Variants in RNFT2 observed in about 807,000 individuals in gnomAD.
RNFT2 encodes the protein E3 ubiquitin-protein ligase RNFT2.
Under a neutral mutation model 53.0 loss-of-function variants are expected in RNFT2, and 36 were observed. That is an observed-to-expected ratio of 0.68 (90% CI 0.52 to 0.90). The LOEUF (loss-of-function observed/expected upper bound fraction) is 0.90. Among genes scored for constraint, RNFT2 ranks in the 40% least tolerant of loss-of-function variants. RNFT2 has a pLI of 0.00. For synonymous variants in RNFT2, 260 were observed against 253.2 expected (o/e 1.03, Z -0.26); for missense variants, 514 against 585.6 (o/e 0.88, Z 1.26).
chr12:116,794,855 T>G (rs1259586689), intron 7 of RNFT2, among the ~76,000 whole-genome samples: 1 of 152,060 alleles, frequency 6.6e-6, no homozygotes, highest in Non-Finnish European at 1.5e-5. Flanking sequence ...ATTTCACTGA[T>G]GTTATTCAGG....
At chr12:116,833,217 C>G (rs1318489847) in intron 7 of RNFT2, among the ~76,000 whole-genome samples, 2 of 152,180 alleles carry the variant, frequency 1.3e-5, no homozygotes, top group African/African-American at 2.4e-5. Context: ...CCACACCCGG[C>G]CCCTGTTCTT....
intron 5 of RNFT2, chr12:116,755,841 G>A (rs554006499): frequency 6.7e-5 from 105 of 1,569,828 alleles, no homozygotes; most frequent in Non-Finnish European, 8.2e-5. Flanking sequence ...AACATATATC[G>A]GGTGCCTCTC....
intron 7 of RNFT2, among the ~76,000 whole-genome samples, chr12:116,803,722 C>T (rs1297962107): frequency 3.3e-5 from 5 of 152,192 alleles, no homozygotes; most frequent in African/African-American, 4.8e-5. Flanking sequence ...AGGATGTTCT[C>T]ATAGGACAAT....
intron 10 of RNFT2, among the ~76,000 whole-genome samples, chr12:116,837,795 A>G (rs1379053597): frequency 2.6e-5 from 4 of 152,186 alleles, no homozygotes; most frequent in Non-Finnish European, 5.9e-5. Context: ...TAGCTTTGAC[A>G]AATGTACCAC....
chr12:116,812,855 G>A (rs1299725651), intron 7 of RNFT2, among the ~76,000 whole-genome samples: 2 of 152,110 alleles, frequency 1.3e-5, no homozygotes, highest in East Asian at 3.9e-4. Context: ...TATCTTAGGA[G>A]GAGGAAACCA....
intron 10 of RNFT2, among the ~76,000 whole-genome samples, chr12:116,844,768 C>T (rs1267550015): frequency 1.3e-5 from 2 of 152,160 alleles, no homozygotes; most frequent in East Asian, 3.8e-4. Context: ...AATTTCATGG[C>T]TATTTCCCAT....
intron 10 of RNFT2, among the ~76,000 whole-genome samples, chr12:116,841,866 TATAA>T (rs1877317924): frequency 1.4e-4 from 4 of 29,572 alleles, no homozygotes; most frequent in Non-Finnish European, 3.3e-4. Flanking sequence ...AAAATATATA[TATAA>T]ATATATATAT....
intron 7 of RNFT2, among the ~76,000 whole-genome samples, chr12:116,782,740 ACCC>A (rs1171469130): frequency 6.6e-6 from 1 of 150,976 alleles, no homozygotes; most frequent in Non-Finnish European, 1.5e-5. Flanking sequence ...TATTCCTACC[ACCC>A]CCTTTCTCAC....
intron 7 of RNFT2, among the ~76,000 whole-genome samples, chr12:116,779,786 T>C (rs1873606903): frequency 6.6e-6 from 1 of 152,164 alleles, no homozygotes; most frequent in African/African-American, 2.4e-5. Flanking sequence ...GATTGATTAG[T>C]GATGTCTGCC....
intron 7 of RNFT2, among the ~76,000 whole-genome samples, chr12:116,795,147 T>G (rs988723762): frequency 3.3e-5 from 5 of 152,158 alleles, no homozygotes; most frequent in African/African-American, 1.2e-4. Flanking sequence ...GGCTCATGCC[T>G]GTAATCCCAG....
At chr12:116,848,861 C>A (rs1315037474) in intron 10 of RNFT2, among the ~76,000 whole-genome samples, 1 of 152,074 alleles carries the variant, frequency 6.6e-6, no homozygotes, top group Non-Finnish European at 1.5e-5. Flanking sequence ...GCTCTGTCAC[C>A]TAGGCTGGAG....
intron 1 of RNFT2, among the ~76,000 whole-genome samples, chr12:116,739,866 A>G (rs375152145): frequency 6.6e-6 from 1 of 152,238 alleles, no homozygotes; most frequent in East Asian, 1.9e-4. Flanking sequence ...GGCTTCCCCA[A>G]TCAGGACTCT....
chr12:116,794,278 ATATTAATGATC>A (rs1246289775), intron 7 of RNFT2, among the ~76,000 whole-genome samples: 1 of 151,892 alleles, frequency 6.6e-6, no homozygotes, highest in Non-Finnish European at 1.5e-5. Flanking sequence ...AAAAAGCCTG[ATATTAATGATC>A]TATTAGAAGG....
intron 7 of RNFT2, among the ~76,000 whole-genome samples, chr12:116,783,901 C>T (rs1013247702): frequency 2.0e-5 from 3 of 152,188 alleles, no homozygotes; most frequent in African/African-American, 4.8e-5. Context: ...GCCGCTTAAC[C>T]GTGTACTGGC....
rs148340092 is a variant in RNFT2, at chr12:116,750,054, G to C, written c.297G>C (p.Gly99=). The C allele has an allele frequency of 1.3e-6, 2 of 1,548,818 alleles. No homozygotes were observed. The highest frequency in any genetic ancestry group is 2.4e-5 in the South Asian group (2 of 84,390). The change falls in exon 4 of 11, where the codon GGG becomes GGC. Residue 99 remains glycine (G), a synonymous_variant. Transcript: ENST00000257575. ...IQMPASREEG[G]GRGEGGAYHH... ...TGCCCGCGTCCAGGGAGGAAGGAGG[G>C]GGCCGGGGCGAGGGGGGCGCCTACC...
chr12:116,849,440 G>A lies in RNFT2; in HGVS notation c.1327G>A (p.Val443Met), dbSNP rs757911142. Residue 443 changes from valine to methionine, a missense_variant, in exon 11 of 11, where the codon GTG (valine) becomes ATG (methionine). Physicochemically the swap from Val to Met is conservative, Grantham distance 21. Around this residue, in one of 3 missense-constraint regions of RNFT2, gnomAD observed 273 missense variants for 334.4 expected, o/e 0.82. Transcript: ENST00000257575. ...CGGCGCCACGTCCGCACACTTCCAGGTGTACTAGGACCGAACACTGAGGAC... is the reference window on the plus strand; with the variant it reads ...CGGCGCCACGTCCGCACACTTCCAGATGTACTAGGACCGAACACTGAGGAC... ...KDGATSAHFQ[V>M]Y is the part of the protein sequence containing the mutation. 9.4e-6 allele frequency: 15 copies of A among 1,594,682 alleles called. No individual in the cohort carries two copies. Among genetic ancestry groups the A allele is most frequent in the Non-Finnish European group, 1.3e-5 (15 of 1,173,712 alleles).
At chr12:116,845,361 GT>G (rs2137223774) in intron 10 of RNFT2, among the ~76,000 whole-genome samples, 1 of 151,864 alleles carries the variant, frequency 6.6e-6, no homozygotes, top group South Asian at 2.1e-4. Context: ...TTTGAGAGGG[GT>G]TTTCACCAGG....
At position 116,749,937 on chromosome 12, in the gene RNFT2, C is replaced by A. The variant is rs780517216; in HGVS notation, c.180C>A (p.Phe60Leu). The change falls in exon 4 of 11, where the codon TTC becomes TTA. Residue 60 changes from phenylalanine to leucine, a missense_variant. By Grantham distance (22) the Phe-to-Leu change is conservative. This residue lies in a region of RNFT2 where 237 missense variants were observed against 235.1 expected (regional missense o/e 1.01). Coordinates refer to ENST00000257575, the MANE Select transcript of RNFT2 (RefSeq NM_001382266.1). ...AGGCAGCCTCCCCACCAGCGCTCTT[C>A]TCGGGCTTATCAGGCAGCCTCCCCA... ...KAEAASPPAL[F>L]SGLSGSLPTS... is the part of the protein sequence containing the mutation. 1.4e-5 allele frequency: 22 copies of A among 1,576,114 alleles called. No individual in the cohort carries two copies. Among genetic ancestry groups the A allele is most frequent in the Non-Finnish European group, 3.4e-6 (4 of 1,160,888 alleles).
intron 10 of RNFT2, 54 bp downstream of exon 10, chr12:116,836,336 C>A: frequency 1.4e-6 from 2 of 1,445,718 alleles, no homozygotes; most frequent in South Asian, 1.2e-5. Flanking sequence ...GAGAGTAGGA[C>A]CCTTCCCCAT....
Sources: gnomAD v4.1 joint callset for allele counts (sites outside exome capture counted in the v4.1 genomes callset) on GRCh38, gnomAD v4.1.1 for gene constraint, gnomAD v4.1.1 regional missense constraint, MANE v1.5 for transcripts, NCBI Gene and HGNC (gene_info 2026-07-23, HGNC 2026-07-21) for gene names.